UHRF2: variants seen among roughly 807,000 people sequenced by gnomAD.
UHRF2 encodes the protein E3 ubiquitin-protein ligase UHRF2.
UHRF2 carries 23 observed loss-of-function variants against 96.8 expected under a neutral mutation model. The observed-to-expected ratio is 0.24, with a 90% CI of 0.17 to 0.34. UHRF2 has a LOEUF of 0.34. Ranked by LOEUF, UHRF2 falls within the 10% of genes least tolerant of loss-of-function variation. The pLI is 1.00. For missense variants in UHRF2, 685 were observed against 981.5 expected, an observed-to-expected ratio of 0.70 and a Z score of 4.04; for synonymous variants, 385 against 332.6, an observed-to-expected ratio of 1.16 and a Z score of -1.72.
At chr9:6,458,533 C>G (rs1417379989) in intron 3 of UHRF2, among the ~76,000 whole-genome samples, 1 of 151,440 alleles carries the variant, frequency 6.6e-6, no homozygotes, top group Admixed American at 6.6e-5. Context: ...TTGTCTTCTG[C>G]TAGCTTTTGA....
rs368404358 is a variant in UHRF2 at position 6,497,373 on chromosome 9, G to A, written c.1767+13G>A. 2.2e-5 allele frequency: 35 copies of A among 1,610,332 alleles called. No individual in the cohort carries two copies. In the African/African-American group the frequency reaches 3.6e-4, roughly 17 times the overall value. On this transcript the variant is annotated intron_variant, in intron 11 of 15. Coordinates refer to ENST00000276893, the MANE Select transcript of UHRF2 (RefSeq NM_152896.3). ...TGGCATTTATAAGGTGCTCTATCTG[G>A]CATGACATCTTGTTTGTCATTCTTC...
In UHRF2 at chr9:6,413,661, C is replaced by A. The variant is rs1294305303; in HGVS notation, c.153+18C>A. On this transcript the variant is annotated intron_variant, in intron 1 of 15. Transcript: ENST00000276893. ...GCAAGCAGGTGAGGCGCGCCCGCCGCGCCCCTAGCGAGGCTGGGGGCCGGA... is the reference window on the plus strand; with the variant it reads ...GCAAGCAGGTGAGGCGCGCCCGCCGAGCCCCTAGCGAGGCTGGGGGCCGGA... The A allele has an allele frequency of 3.2e-6, 5 of 1,556,032 alleles. No homozygotes were observed. Among genetic ancestry groups the A allele is most frequent in the Non-Finnish European group, 4.3e-6 (5 of 1,154,456 alleles).
intron 1 of UHRF2, among the ~76,000 whole-genome samples, chr9:6,415,760 A>G (rs975983993): frequency 6.6e-6 from 1 of 152,204 alleles, no homozygotes; most frequent in African/African-American, 2.4e-5. Context: ...GTGGATATTT[A>G]TTATAGATGT....
chr9:6,495,044 T>G (rs1016453135), intron 10 of UHRF2: 2 of 152,228 alleles, frequency 1.3e-5, no homozygotes, highest in Non-Finnish European at 2.9e-5. Context: ...ATAAATATTT[T>G]GATGTGTTTT....
At chr9:6,433,587 T>G (rs1448721849) in intron 2 of UHRF2, among the ~76,000 whole-genome samples, 1 of 152,234 alleles carries the variant, frequency 6.6e-6, no homozygotes, top group Non-Finnish European at 1.5e-5. Context: ...ATTAGTGTCA[T>G]TCTTACTGGA....
At chr9:6,467,042 C>T (rs182540734) in intron 4 of UHRF2, among the ~76,000 whole-genome samples, 421 of 152,302 alleles carry the variant, frequency 2.8e-3, no homozygotes, top group Middle Eastern at 0.017. Flanking sequence ...CAACAAATTA[C>T]CACAAACATA....
chr9:6,467,134 G>A (rs904965525), intron 4 of UHRF2, among the ~76,000 whole-genome samples: 2 of 152,182 alleles, frequency 1.3e-5, no homozygotes, highest in African/African-American at 2.4e-5. Flanking sequence ...AAAAATCATT[G>A]TTAGCAGGGA....
intron 3 of UHRF2, among the ~76,000 whole-genome samples, chr9:6,445,088 T>G (rs1373133155): frequency 1.4e-5 from 2 of 145,628 alleles, no homozygotes; most frequent in African/African-American, 5.1e-5. Context: ...CTCAGGAGTT[T>G]GAGGCCAGCT....
intron 3 of UHRF2, among the ~76,000 whole-genome samples, chr9:6,444,963 G>T (rs1465001801): frequency 6.6e-6 from 1 of 151,866 alleles, no homozygotes; most frequent in Non-Finnish European, 1.5e-5. Context: ...CAGTGGTTCT[G>T]TCACAGGCTA....
intron 2 of UHRF2, among the ~76,000 whole-genome samples, chr9:6,432,708 C>G (rs1023719745): frequency 2.0e-5 from 3 of 152,148 alleles, no homozygotes; most frequent in Non-Finnish European, 2.9e-5. Context: ...AGAGTGGTGT[C>G]TTCTCCCTTC....
At chr9:6,434,304 T>C (rs1820711171) in intron 3 of UHRF2, 131 bp downstream of exon 3, 2 of 1,144,252 alleles carry the variant, frequency 1.7e-6, no homozygotes, top group East Asian at 2.6e-5. Context: ...TGTTACTTTT[T>C]GGTTTTGGTG....
intron 1 of UHRF2, among the ~76,000 whole-genome samples, chr9:6,419,181 G>A (rs368077199): frequency 3.3e-5 from 5 of 152,154 alleles, no homozygotes; most frequent in African/African-American, 1.2e-4. Context: ...TGGCAGGGAC[G>A]CAACTTAGCT....
chr9:6,420,093 G>C (rs1269432331), intron 1 of UHRF2, among the ~76,000 whole-genome samples: 1 of 149,924 alleles, frequency 6.7e-6, no homozygotes, highest in Non-Finnish European at 1.5e-5. Context: ...GTCTCCCTCT[G>C]TTGCCCAGGT....
At chr9:6,480,946 A>AT (rs754735284) in intron 6 of UHRF2, among the ~76,000 whole-genome samples, 1 of 152,200 alleles carries the variant, frequency 6.6e-6, no homozygotes, top group Non-Finnish European at 1.5e-5. Context: ...GGGCAAAGAA[A>AT]TTTAAGATTA....
rs1033383923 is a variant in UHRF2, at chr9:6,477,690, C to T, written c.1042C>T (p.Arg348Cys). ...PEKKCHSCSC[R>C]VCGGKHEPNM... ...AAAGAAATGTCATTCTTGCTCCTGTCGTGTATGTGGTGGGAAACATGAACC... is the reference window on the plus strand; with the variant it reads ...AAAGAAATGTCATTCTTGCTCCTGTTGTGTATGTGGTGGGAAACATGAACC... The change falls in exon 6 of 16, where the codon CGT becomes TGT. Residue 348 changes from arginine to cysteine, a missense_variant. Around this residue, in one of 6 missense-constraint regions of UHRF2, gnomAD observed 391 missense variants for 437.0 expected, o/e 0.89. Transcript: ENST00000276893. 13 of 1,613,894 alleles carry T rather than the reference C, an allele frequency of 8.1e-6. No homozygotes were observed. The highest frequency in any genetic ancestry group is 1.1e-5 in the Non-Finnish European group (13 of 1,179,982).
chr9:6,459,408 C>G (rs1319870918), intron 3 of UHRF2, among the ~76,000 whole-genome samples: 1 of 152,186 alleles, frequency 6.6e-6, no homozygotes, highest in Non-Finnish European at 1.5e-5. Flanking sequence ...GTGGCTCATG[C>G]CTGTAATCCC....
chr9:6,442,850 C>T (rs1821258783), intron 3 of UHRF2, among the ~76,000 whole-genome samples: 2 of 152,174 alleles, frequency 1.3e-5, no homozygotes, highest in Admixed American at 1.3e-4. Context: ...AGTTACCACA[C>T]TACCACCTGT....
At chr9:6,422,414 AT>A (rs925601611) in intron 2 of UHRF2, among the ~76,000 whole-genome samples, 2 of 151,496 alleles carry the variant, frequency 1.3e-5, no homozygotes, top group Admixed American at 1.3e-4. Flanking sequence ...TATCTCCCCA[AT>A]TTCTTTCCTC....
In UHRF2 at chr9:6,413,402, C is replaced by G; in HGVS notation, c.-89C>G. 8.0e-7 allele frequency: 1 copy of G among 1,252,746 alleles called. No individual in the cohort carries two copies. Among genetic ancestry groups the G allele is most frequent in the Middle Eastern group, 2.9e-4 (1 of 3,466 alleles). The allele number at this position is 1,252,746 out of a possible 1,614,324, so 77.6% of individuals were successfully genotyped here. A position where few individuals can be genotyped will look rare whatever the true frequency, so the allele number is the denominator to read the frequency against. On this transcript the variant is annotated 5_prime_UTR_variant, in exon 1 of 16. Coordinates refer to ENST00000276893, the MANE Select transcript of UHRF2 (RefSeq NM_152896.3). ...GCCCGCCTGCCGCTGAGGGCCCGAG[C>G]CGCAGGGAAAGCGGCGCGGGCCGGG...
Sources: gnomAD v4.1 joint callset for allele counts (sites outside exome capture counted in the v4.1 genomes callset) on GRCh38, gnomAD v4.1.1 for gene constraint, gnomAD v4.1.1 regional missense constraint, MANE v1.5 for transcripts, NCBI Gene and HGNC (gene_info 2026-07-23, HGNC 2026-07-21) for gene names.